Variants in MARK4 observed in about 807,000 individuals in gnomAD.
MARK4 encodes the protein MAP/microtubule affinity-regulating kinase 4.
A neutral mutation model predicts 81.5 loss-of-function variants in MARK4; 19 were observed. The ratio of observed to expected loss-of-function variants is 0.23; its 90% CI spans 0.16 to 0.34. The LOEUF is 0.34. Among genes scored for constraint, MARK4 ranks in the 10% least tolerant of loss-of-function variants. The pLI, the probability that MARK4 is intolerant of heterozygous loss-of-function variation, is 1.00. For missense variants in MARK4, 772 were observed against 1,058.8 expected (o/e 0.73, Z 3.76); for synonymous variants, 436 against 439.0 (o/e 0.99, Z 0.08).
At chr19:45,281,547 G>C (rs1227876490) in intron 12 of MARK4, among the ~76,000 whole-genome samples, 3 of 151,608 alleles carry the variant, frequency 2.0e-5, no homozygotes, top group Non-Finnish European at 4.4e-5. Context: ...TTTTAGTAGA[G>C]ACAGGGTTTC....
At chr19:45,296,957 G>A (rs1215275030) in intron 14 of MARK4, among the ~76,000 whole-genome samples, 1 of 151,940 alleles carries the variant, frequency 6.6e-6, no homozygotes, top group African/African-American at 2.4e-5. Context: ...GGCTGAGGCA[G>A]GAGAATCACT....
intron 7 of MARK4, among the ~76,000 whole-genome samples, chr19:45,269,397 A>G (rs1465192631): frequency 6.6e-6 from 1 of 152,140 alleles, no homozygotes; most frequent in Non-Finnish European, 1.5e-5. Context: ...AAAATAAGAA[A>G]AAGTAAGCCC....
intron 1 of MARK4, 164 bp from the exon 2 acceptor site, chr19:45,258,825 G>T: frequency 1.4e-6 from 1 of 692,834 alleles, no homozygotes; most frequent in Non-Finnish European, 2.4e-6. Context: ...TGTTCCTGGA[G>T]GCGTCTTTTT....
chr19:45,294,531 A>T (rs1970861380), intron 14 of MARK4, 79 bp downstream of exon 14: 1 of 1,227,464 alleles, frequency 8.1e-7, no homozygotes, highest in African/African-American at 1.5e-5. Flanking sequence ...CTGAGATGAT[A>T]GGCATTGGAG....
At position 45,271,594 on chromosome 19, in the gene MARK4, G is replaced by C; in HGVS notation, c.672G>C (p.Pro224=). The change falls in exon 8 of 17, where the codon CCG becomes CCC. Residue 224 remains proline (P), a synonymous_variant. Transcript: ENST00000262891. The surrounding 1 kb of genome is among the most constrained non-coding windows in gnomAD (Gnocchi z 4.1). ...TFCGSPPYAA[P]ELFQGKKYDG... is the part of the protein sequence containing the mutation. ...GCGGGAGCCCCCCATATGCCGCCCC[G>C]GAGCTGTTTCAGGGCAAGAAGTACG... 6.2e-7 allele frequency: 1 copy of C among 1,614,214 alleles called. No individual in the cohort carries two copies. Among genetic ancestry groups the C allele is most frequent in the Non-Finnish European group, 8.5e-7 (1 of 1,180,044 alleles).
At chr19:45,269,951 C>A (rs976031504) in intron 7 of MARK4, among the ~76,000 whole-genome samples, 1 of 152,056 alleles carries the variant, frequency 6.6e-6, no homozygotes, top group Admixed American at 6.6e-5. Flanking sequence ...CCTCAGCCTC[C>A]CAAGTTGCTG....
At chr19:45,290,102 CAAAG>C (rs1970802125) in intron 13 of MARK4, among the ~76,000 whole-genome samples, 1 of 152,210 alleles carries the variant, frequency 6.6e-6, no homozygotes, top group African/African-American at 2.4e-5. Flanking sequence ...GACCTTGTCT[CAAAG>C]AAACAAACAA....
chr19:45,270,891 C>T (rs1970518609), intron 7 of MARK4, among the ~76,000 whole-genome samples: 1 of 152,250 alleles, frequency 6.6e-6, no homozygotes, highest in African/African-American at 2.4e-5. Context: ...CTGCCTCAGC[C>T]TCCCGAGTAG....
chr19:45,268,211 TG>T (rs1297665957), intron 7 of MARK4, among the ~76,000 whole-genome samples: 1 of 151,898 alleles, frequency 6.6e-6, no homozygotes, highest in Non-Finnish European at 1.5e-5. Flanking sequence ...GAGGCTGTGG[TG>T]GGAGGATTGC....
intron 13 of MARK4, 122 bp from the exon 14 acceptor site, chr19:45,294,227 C>A: frequency 1.2e-6 from 1 of 851,908 alleles, no homozygotes; most frequent in Non-Finnish European, 1.9e-6. Context: ...CTCCTACTCA[C>A]CCTGGGTTCC....
intron 8 of MARK4, among the ~76,000 whole-genome samples, chr19:45,277,636 C>T (rs1290161160): frequency 6.6e-6 from 1 of 151,794 alleles, no homozygotes; most frequent in Admixed American, 6.6e-5. Flanking sequence ...TGGGCTCAAG[C>T]GATCCTCCGG....
At chr19:45,270,590 A>G (rs1970513626) in intron 7 of MARK4, among the ~76,000 whole-genome samples, 1 of 151,982 alleles carries the variant, frequency 6.6e-6, no homozygotes, top group Non-Finnish European at 1.5e-5. Context: ...CTGGGTATGA[A>G]ATACTGTTCT....
Position 45,280,697 on chromosome 19 carries a change from T to C in MARK4, c.1239T>C (p.Ser413=). The change falls in exon 12 of 17, where the codon TCT becomes TCC. Residue 413 remains serine (S), a synonymous_variant. Coordinates refer to ENST00000262891, the MANE Select transcript of MARK4 (RefSeq NM_001199867.2). Reference sequence around the variant, plus strand: ...ACAGCAAAGGGCAGCGGAGTTCCTCTTCCACCTACCACCGCCAGCGCAGGC... The same window carrying C: ...ACAGCAAAGGGCAGCGGAGTTCCTCCTCCACCTACCACCGCCAGCGCAGGC... The part of the protein sequence containing the change: ...TSHSKGQRSS[S]STYHRQRRHS... The C allele has an allele frequency of 6.2e-7, 1 of 1,614,102 alleles. No individual in the cohort carries two copies. Among genetic ancestry groups the C allele is most frequent in the Non-Finnish European group, 8.5e-7 (1 of 1,179,996 alleles).
chr19:45,272,883 G>A lies in MARK4; in HGVS notation c.786+1175G>A, dbSNP rs190694475. Among the ~76,000 whole-genome samples the A allele has an allele frequency of 1.5e-3, 221 of 152,224 alleles. 1 individual carries two copies. The highest frequency in any genetic ancestry group is 2.2e-3 in the Non-Finnish European group (150 of 68,010). ...AGCCTGGGCGACAGAGCGAGACTCT[G>A]TCTCAAAAAATAAATAAATAAAATT... On this transcript the variant is annotated intron_variant, in intron 8 of 16. Coordinates refer to ENST00000262891, the MANE Select transcript of MARK4 (RefSeq NM_001199867.2).
At chr19:45,280,893 C>A (rs545701576) in intron 12 of MARK4, among the ~76,000 whole-genome samples, 159 bp downstream of exon 12, 1 of 152,242 alleles carries the variant, frequency 6.6e-6, no homozygotes, top group East Asian at 1.9e-4. Flanking sequence ...TTGCATGGAA[C>A]TTGGAGGCAG....
intron 13 of MARK4, among the ~76,000 whole-genome samples, chr19:45,290,175 T>C (rs1970803133): frequency 6.6e-6 from 1 of 152,260 alleles, no homozygotes; most frequent in Non-Finnish European, 1.5e-5. Flanking sequence ...TCTTTTTAAC[T>C]TCTTCTTAGT....
intron 7 of MARK4, among the ~76,000 whole-genome samples, chr19:45,270,355 C>T (rs868009396): frequency 1.3e-5 from 2 of 152,122 alleles, no homozygotes; most frequent in African/African-American, 2.4e-5. Flanking sequence ...TTCACCTTCA[C>T]GTTATGCAGA....
intron 2 of MARK4, chr19:45,262,876 C>G (rs1191750809): frequency 4.2e-6 from 2 of 480,694 alleles, no homozygotes; most frequent in African/African-American, 2.0e-5. Context: ...GCGATTCTTC[C>G]AACTCAGCCT....
intron 12 of MARK4, 85 bp downstream of exon 12, chr19:45,280,819 A>G (rs1365480277): frequency 6.4e-7 from 1 of 1,556,094 alleles, no homozygotes; most frequent in Admixed American, 1.8e-5. Context: ...CTGATTGGCA[A>G]GCAACAGAAA....
Sources: gnomAD v4.1 joint callset for allele counts (sites outside exome capture counted in the v4.1 genomes callset) on GRCh38, gnomAD v4.1.1 for gene constraint, Gnocchi (gnomAD v3.1) non-coding constraint, MANE v1.5 for transcripts, NCBI Gene and HGNC (gene_info 2026-07-23, HGNC 2026-07-21) for gene names.